AKR1B1: variants seen among roughly 807,000 people sequenced by gnomAD.
AKR1B1 encodes the protein aldo-keto reductase family 1 member B1.
Under a neutral mutation model 40.4 loss-of-function variants are expected in AKR1B1, and 22 were observed. The ratio of observed to expected loss-of-function variants is 0.54; its 90% CI spans 0.39 to 0.78. The LOEUF is 0.78. AKR1B1 is among the 30% of genes least tolerant of loss of function. AKR1B1 has a pLI of 0.00. For missense variants in AKR1B1, 357 were observed against 396.7 expected (o/e 0.90, Z 0.85); for synonymous variants, 157 against 149.9 (o/e 1.05, Z -0.35).
intron 1 of AKR1B1, among the ~76,000 whole-genome samples, chr7:134,452,821 G>C (rs1806330949): frequency 6.6e-6 from 1 of 152,188 alleles, no homozygotes. Context: ...GGGGAAGAAA[G>C]GGGCCCAGTT....
At chr7:134,455,141 T>A (rs758184193) in intron 1 of AKR1B1, among the ~76,000 whole-genome samples, 1 of 152,160 alleles carries the variant, frequency 6.6e-6, no homozygotes, top group Non-Finnish European at 1.5e-5. Flanking sequence ...CCTGGCACAT[T>A]TTCTTTTACC....
At chr7:134,444,967 A>C (rs1402537003) in intron 9 of AKR1B1, 1 of 565,564 alleles carries the variant, frequency 1.8e-6, no homozygotes, top group East Asian at 3.0e-5. Flanking sequence ...GGATTTAAAA[A>C]TTGAATGGAA....
At chr7:134,446,246 C>A (rs1806091593) in intron 8 of AKR1B1, among the ~76,000 whole-genome samples, 1 of 152,176 alleles carries the variant, frequency 6.6e-6, no homozygotes, top group African/African-American at 2.4e-5. Flanking sequence ...GCCATTTTAT[C>A]TTGTGTACTT....
chr7:134,450,671 C>A (rs1806255163), intron 3 of AKR1B1, 115 bp downstream of exon 3: 1 of 837,820 alleles, frequency 1.2e-6, no homozygotes, highest in Non-Finnish European at 2.1e-6. Context: ...ACTGGCTATA[C>A]CTTGAGCAGC....
chr7:134,458,926 G>T, intron 1 of AKR1B1, 71 bp downstream of exon 1: 2 of 1,511,452 alleles, frequency 1.3e-6, no homozygotes, highest in Non-Finnish European at 1.8e-6. Flanking sequence ...GTCACTCGGG[G>T]TCCCTCGCCA....
At position 134,459,084 on chromosome 7, in the gene AKR1B1, C is replaced by A. The variant is rs554523867; in HGVS notation, c.-22G>T. ...CCATGGCTGCTGCGCTCCCCAGACC[C>A]CCGCCCAGTACGGTGCGGCCTTGGC... On this transcript the variant is annotated 5_prime_UTR_variant, in exon 1 of 10. Coordinates refer to ENST00000285930, the MANE Select transcript of AKR1B1 (RefSeq NM_001628.4). 1.3e-6 allele frequency: 2 copies of A among 1,595,482 alleles called. No homozygotes were observed. Among genetic ancestry groups the A allele is most frequent in the African/African-American group, 2.7e-5 (2 of 74,552 alleles).
At chr7:134,453,213 T>C (rs994727130) in intron 1 of AKR1B1, among the ~76,000 whole-genome samples, 1 of 152,150 alleles carries the variant, frequency 6.6e-6, no homozygotes, top group Non-Finnish European at 1.5e-5. Flanking sequence ...GGCGCCTTGA[T>C]TGATTTTTCT....
intron 1 of AKR1B1, 97 bp downstream of exon 1, chr7:134,458,900 G>A (rs1210237922): frequency 1.4e-6 from 2 of 1,391,216 alleles, no homozygotes; most frequent in African/African-American, 2.9e-5. Context: ...GGCGTCCGCG[G>A]GGCGAGCTGC....
At chr7:134,442,820 C>T in intron 9 of AKR1B1, 50 bp from the exon 10 acceptor site, 2 of 1,528,180 alleles carry the variant, frequency 1.3e-6, no homozygotes, top group Non-Finnish European at 1.8e-6. Context: ...GTGATTTTGA[C>T]TATACCCAAC....
chr7:134,447,306 T>G lies in AKR1B1; in HGVS notation c.817A>C (p.Asn273His). The change falls in exon 8 of 10, where the codon AAC becomes CAC. Residue 273 changes from asparagine (N) to histidine (H), a missense_variant. Transcript: ENST00000285930. ...ACCAGCCAAGATCTTACCTTAAAGT[T>G]CTCAGCAATGCGTTCTGGTGTCACA... Reference protein sequence around the residue: ...KSVTPERIAENFKVFDFELSS... With the variant: ...KSVTPERIAEHFKVFDFELSS... 1 of 1,613,924 alleles carries G rather than the reference T, an allele frequency of 6.2e-7. No individual in the cohort carries two copies.
chr7:134,446,005 A>G (rs1200594874), intron 8 of AKR1B1, among the ~76,000 whole-genome samples: 1 of 152,272 alleles, frequency 6.6e-6, no homozygotes, highest in African/African-American at 2.4e-5. Context: ...AAGGGCTCTT[A>G]GCTTCAGATG....
intron 7 of AKR1B1, 190 bp downstream of exon 7, chr7:134,447,790 A>G: frequency 1.4e-6 from 1 of 691,688 alleles, no homozygotes; most frequent in Non-Finnish European, 2.7e-6. Context: ...GGCAGGCACT[A>G]TTAATCTAAG....
chr7:134,453,453 A>G (rs1159986953), intron 1 of AKR1B1, among the ~76,000 whole-genome samples: 1 of 152,124 alleles, frequency 6.6e-6, no homozygotes, highest in East Asian at 1.9e-4. Context: ...TCCTGGTGAC[A>G]ACATTTACAA....
intron 2 of AKR1B1, 145 bp downstream of exon 2, chr7:134,451,441 T>C (rs1806283390): frequency 9.9e-7 from 1 of 1,008,440 alleles, no homozygotes; most frequent in Non-Finnish European, 1.5e-6. Context: ...TGGAGCCCTG[T>C]ATGGCCGTGG....
intron 5 of AKR1B1, among the ~76,000 whole-genome samples, chr7:134,448,738 A>T (rs1806187877): frequency 6.6e-6 from 1 of 152,096 alleles, no homozygotes; most frequent in Non-Finnish European, 1.5e-5. Context: ...GCCACTTATC[A>T]ACTATCACAG....
chr7:134,456,143 C>T (rs1806463596), intron 1 of AKR1B1, among the ~76,000 whole-genome samples: 1 of 152,236 alleles, frequency 6.6e-6, no homozygotes, highest in Non-Finnish European at 1.5e-5. Flanking sequence ...CAAAGGATCA[C>T]ATCTTCTGTC....
At chr7:134,449,338 G>T in intron 4 of AKR1B1, 1 of 628,648 alleles carries the variant, frequency 1.6e-6, no homozygotes, top group Non-Finnish European at 2.8e-6. Flanking sequence ...TGTAATCCCA[G>T]CACTTTGGGA....
rs116793843 is a variant in AKR1B1 at position 134,450,843 on chromosome 7, G to A, written c.294C>T (p.Ser98=). The change falls in exon 3 of 10, where the codon AGC becomes AGT. Residue 98 remains serine, a synonymous_variant. Transcript: ENST00000285930. ...GGTCCAGGTAGTCCAGCTTCAGGTC[G>A]CTGAGTGTCTTCTGGCAGGCTCCTT... ...LVKGACQKTL[S]DLKLDYLDLY... The A allele has an allele frequency of 8.4e-4, 1,357 of 1,614,168 alleles. 7 individuals are homozygous for A. In the African/African-American group the frequency reaches 0.015, roughly 18 times the overall value.
Position 134,451,751 on chromosome 7 carries a change from G to A in AKR1B1, c.69C>T (p.Ser23=), listed in dbSNP as rs1296077456. The part of the protein sequence containing the change: ...MPILGLGTWK[S]PPGQVTEAVK... ...CGGCCTCAGTCACCTGCCCTGGAGGGGACTGAAAGGAGAAAGAACGTGAGC... is the reference window on the plus strand; with the variant it reads ...CGGCCTCAGTCACCTGCCCTGGAGGAGACTGAAAGGAGAAAGAACGTGAGC... The change falls in exon 2 of 10, where the codon TCC becomes TCT. Residue 23 remains serine (S), a splice_region_variant and synonymous_variant. Transcript: ENST00000285930. 6.2e-7 allele frequency: 1 copy of A among 1,614,044 alleles called. No individual in the cohort carries two copies. Among genetic ancestry groups the A allele is most frequent in the South Asian group, 1.1e-5 (1 of 91,066 alleles).
Sources: allele counts gnomAD v4.1 joint callset (sites outside exome capture counted in the v4.1 genomes callset), GRCh38; gene constraint gnomAD v4.1.1; transcripts MANE v1.5; gene names NCBI Gene and HGNC (gene_info 2026-07-23, HGNC 2026-07-21).